The following LRRTM3 variants were observed in gnomAD, a reference collection of about 807,000 sequenced individuals.
The protein encoded by LRRTM3 is leucine-rich repeat transmembrane neuronal protein 3.
In LRRTM3, 24 loss-of-function variants were observed where a neutral mutation model predicts 44.7. The ratio of observed to expected loss-of-function variants is 0.54; its 90% CI spans 0.39 to 0.76. The LOEUF (loss-of-function observed/expected upper bound fraction) is 0.76. Among genes scored for constraint, LRRTM3 ranks in the 30% least tolerant of loss-of-function variants. The probability of loss-of-function intolerance (pLI) is 0.00; values close to 1 mark genes in which losing one functional copy is unlikely to be tolerated. For missense variants in LRRTM3, 587 were observed against 702.2 expected (o/e 0.84, Z 1.85); for synonymous variants, 277 against 278.7 (o/e 0.99, Z 0.06).
intron 2 of LRRTM3, among the ~76,000 whole-genome samples, chr10:66,977,530 A>G (rs1850119561): frequency 6.6e-6 from 1 of 152,206 alleles, no homozygotes; most frequent in African/African-American, 2.4e-5. Flanking sequence ...CTCTGTTAAG[A>G]GCTCACAGAA....
At position 66,973,871 on chromosome 10, in the gene LRRTM3, C is replaced by T. The variant is rs147212256; in HGVS notation, c.1536+45419C>T. Among the ~76,000 whole-genome samples, 198 of 152,270 alleles carry T rather than the reference C, an allele frequency of 1.3e-3. 1 individual carries two copies. Among genetic ancestry groups the T allele is most frequent in the African/African-American group, 4.3e-3 (178 of 41,542 alleles). ...ACTCCTGACCTCAAGATTTATCCCC[C>T]TCGGCCTCCCAAAGTGCTGGGATTA... On this transcript the variant is annotated intron_variant, in intron 2 of 2. Coordinates refer to ENST00000361320, the MANE Select transcript of LRRTM3 (RefSeq NM_178011.5).
intron 2 of LRRTM3, among the ~76,000 whole-genome samples, chr10:66,985,478 G>A (rs1043146512): frequency 2.0e-5 from 3 of 152,076 alleles, no homozygotes; most frequent in African/African-American, 7.2e-5. Flanking sequence ...GGATCCAGGG[G>A]AAAGTATACC....
At chr10:66,954,547 C>T (rs951206551) in intron 2 of LRRTM3, among the ~76,000 whole-genome samples, 40 of 152,162 alleles carry the variant, frequency 2.6e-4, no homozygotes, top group African/African-American at 8.9e-4. Flanking sequence ...AGGCACTGGT[C>T]ATGCCCCATG....
chr10:66,949,823 G>A (rs938431183), intron 2 of LRRTM3, among the ~76,000 whole-genome samples: 1 of 105,344 alleles, frequency 9.5e-6, no homozygotes, highest in African/African-American at 3.5e-5. Context: ...TTTCTCACAT[G>A]TTTTGTGATT....
chr10:67,008,462 G>GTT (rs537763032), intron 2 of LRRTM3, among the ~76,000 whole-genome samples: 102 of 151,926 alleles, frequency 6.7e-4, no homozygotes, highest in African/African-American at 2.4e-3. Context: ...CAGCTTTTTT[G>GTT]TTTGTTTTGT....
At chr10:67,004,448 G>T (rs1851859911) in intron 2 of LRRTM3, among the ~76,000 whole-genome samples, 1 of 152,188 alleles carries the variant, frequency 6.6e-6, no homozygotes, top group Non-Finnish European at 1.5e-5. Flanking sequence ...CCATGGCATG[G>T]TGTCTGATAC....
intron 2 of LRRTM3, among the ~76,000 whole-genome samples, chr10:67,068,806 T>A (rs1452355312): frequency 6.6e-6 from 1 of 152,230 alleles, no homozygotes; most frequent in Non-Finnish European, 1.5e-5. Flanking sequence ...ACGCCTGTAA[T>A]CCCAGCACTT....
intron 2 of LRRTM3, among the ~76,000 whole-genome samples, chr10:67,009,696 T>C (rs1852208224): frequency 6.6e-6 from 1 of 152,158 alleles, no homozygotes; most frequent in Non-Finnish European, 1.5e-5. Context: ...ATTTGATGGT[T>C]GTAGATTGAG....
At chr10:66,994,810 C>T (rs996260313) in intron 2 of LRRTM3, among the ~76,000 whole-genome samples, 10 of 152,160 alleles carry the variant, frequency 6.6e-5, no homozygotes, top group African/African-American at 2.4e-4. Flanking sequence ...TTTTACAAAA[C>T]ATCAGTCCTT....
intron 2 of LRRTM3, among the ~76,000 whole-genome samples, chr10:67,033,797 G>T (rs944906421): frequency 6.6e-6 from 1 of 152,160 alleles, no homozygotes; most frequent in Non-Finnish European, 1.5e-5. Context: ...TTTGGACGAA[G>T]TCTCACTCTG....
chr10:67,078,420 A>G (rs1203528333), intron 2 of LRRTM3, among the ~76,000 whole-genome samples: 1 of 152,234 alleles, frequency 6.6e-6, no homozygotes, highest in Non-Finnish European at 1.5e-5. Context: ...AAAATATTTG[A>G]GAGAGGGACC....
rs1023480168 is a variant in LRRTM3, at chr10:67,100,871, C to T, written c.*3075C>T. 6.6e-6 allele frequency among the ~76,000 whole-genome samples: 1 copy of T among 151,690 alleles called. No homozygotes were observed. The highest frequency in any genetic ancestry group is 2.4e-5 in the African/African-American group (1 of 41,360). On this transcript the variant is annotated 3_prime_UTR_variant, in exon 3 of 3. Coordinates refer to ENST00000361320, the MANE Select transcript of LRRTM3 (RefSeq NM_178011.5). ...GCAGTTGAATTATTCTCAAAATTTA[C>T]AGGCTGTTAGTCTTTCCACTGTACT...
chr10:67,098,159 A>T lies in LRRTM3; in HGVS notation c.*363A>T, dbSNP rs1858128858. 6.1e-6 allele frequency: 1 copy of T among 163,510 alleles called. No individual in the cohort carries two copies. Among genetic ancestry groups the T allele is most frequent in the South Asian group, 1.8e-4 (1 of 5,464 alleles). The allele number at this position is 163,510 out of a possible 1,614,324, so 10.1% of individuals were successfully genotyped here. On this transcript the variant is annotated 3_prime_UTR_variant, in exon 3 of 3. Transcript: ENST00000361320. The stretch of plus-strand genomic sequence containing the variant: ...AACAACTGGTATGTACAGTACCATA[A>T]TTTAATTACATTTTACTTTAAAAAC...
At chr10:67,046,358 G>A (rs1281162663) in intron 2 of LRRTM3, among the ~76,000 whole-genome samples, 3 of 152,148 alleles carry the variant, frequency 2.0e-5, no homozygotes, top group Non-Finnish European at 4.4e-5. Context: ...GCACAGATGT[G>A]AGCGAACAGC....
In LRRTM3 at chr10:67,100,137, A is replaced by G. The variant is rs1351007254; in HGVS notation, c.*2341A>G. Among the ~76,000 whole-genome samples, 2 of 151,754 alleles carry G rather than the reference A, an allele frequency of 1.3e-5. No homozygotes were observed. Among genetic ancestry groups the G allele is most frequent in the Non-Finnish European group, 3.0e-5 (2 of 67,774 alleles). ...ATTCAAATTGATAATGATTTTTAGA[A>G]ATGTTAAGGTTCCAAGGAGTCTTAC... On this transcript the variant is annotated 3_prime_UTR_variant, in exon 3 of 3. Transcript: ENST00000361320.
At chr10:66,949,048 T>C (rs1848409728) in intron 2 of LRRTM3, among the ~76,000 whole-genome samples, 1 of 152,180 alleles carries the variant, frequency 6.6e-6, no homozygotes, top group Non-Finnish European at 1.5e-5. Context: ...TGCAAACAAA[T>C]ATAACAAATT....
At chr10:67,028,816 T>C (rs892566258) in intron 2 of LRRTM3, among the ~76,000 whole-genome samples, 2 of 152,150 alleles carry the variant, frequency 1.3e-5, no homozygotes, top group Non-Finnish European at 2.9e-5. Flanking sequence ...CTACAAGTAA[T>C]TACATTAGGA....
intron 2 of LRRTM3, among the ~76,000 whole-genome samples, chr10:67,023,595 C>A (rs755101998): frequency 3.3e-5 from 5 of 152,106 alleles, no homozygotes; most frequent in African/African-American, 4.8e-5. Flanking sequence ...AGGTGATGAT[C>A]CTCAGCTTGG....
intron 2 of LRRTM3, among the ~76,000 whole-genome samples, chr10:67,058,280 A>T (rs1045605404): frequency 6.6e-6 from 1 of 152,220 alleles, no homozygotes; most frequent in Admixed American, 6.5e-5. Flanking sequence ...ATTTGGTCTT[A>T]GTCTATCACA....
Sources: allele counts gnomAD v4.1 joint callset (sites outside exome capture counted in the v4.1 genomes callset), GRCh38; gene constraint gnomAD v4.1.1; transcripts MANE v1.5; gene names NCBI Gene and HGNC (gene_info 2026-07-23, HGNC 2026-07-21).